The following LINGO2 variants were observed in gnomAD, a reference collection of about 807,000 sequenced individuals.
LINGO2 encodes leucine rich repeat and Ig domain containing 2, also known as leucine-rich repeat and immunoglobulin-like domain-containing nogo receptor-interacting protein 2.
In LINGO2, 14 loss-of-function variants were observed where a neutral mutation model predicts 30.6. The ratio of observed to expected loss-of-function variants is 0.46; its 90% CI spans 0.30 to 0.72. The LOEUF is 0.72. Ranked by LOEUF, LINGO2 falls within the 30% of genes least tolerant of loss-of-function variation. The pLI is 0.07. For missense variants in LINGO2, 729 were observed against 751.7 expected (o/e 0.97, Z 0.35); for synonymous variants, 317 against 288.5 (o/e 1.10, Z -1.00).
chr9:27,997,078 A>C (rs971731763), intron 5 of LINGO2, among the ~76,000 whole-genome samples: 3 of 152,232 alleles, frequency 2.0e-5, no homozygotes, highest in Non-Finnish European at 2.9e-5. Context: ...ACACATATTC[A>C]GCAAGATTCC....
At chr9:28,070,208 A>G (rs1825433805) in intron 4 of LINGO2, among the ~76,000 whole-genome samples, 1 of 152,150 alleles carries the variant, frequency 6.6e-6, no homozygotes, top group Admixed American at 6.5e-5. Context: ...GCATATACAC[A>G]TTCCTCACTT....
chr9:28,351,576 G>A (rs1242347883), intron 3 of LINGO2, among the ~76,000 whole-genome samples: 2 of 140,220 alleles, frequency 1.4e-5, no homozygotes, highest in Admixed American at 1.4e-4. Flanking sequence ...GAGGTACAAG[G>A]AGGAACTGGT....
chr9:28,539,536 T>C (rs1821585781), intron 1 of LINGO2, among the ~76,000 whole-genome samples: 2 of 152,026 alleles, frequency 1.3e-5, no homozygotes, highest in African/African-American at 2.4e-5. Context: ...TTGTGAGAAA[T>C]TGTGAACCTT....
At chr9:28,556,966 C>T (rs1008989910) in intron 1 of LINGO2, among the ~76,000 whole-genome samples, 7 of 152,056 alleles carry the variant, frequency 4.6e-5, no homozygotes, top group Non-Finnish European at 5.9e-5. Flanking sequence ...GAAACTAGAT[C>T]CCTTCCTTAC....
chr9:28,556,774 G>A (rs1341422773), intron 1 of LINGO2, among the ~76,000 whole-genome samples: 1 of 151,932 alleles, frequency 6.6e-6, no homozygotes, highest in Non-Finnish European at 1.5e-5. Flanking sequence ...AACCAAAACA[G>A]CATGGTACTG....
intron 4 of LINGO2, among the ~76,000 whole-genome samples, chr9:28,256,708 G>T (rs888984345): frequency 1.4e-4 from 21 of 151,894 alleles, no homozygotes; most frequent in Non-Finnish European, 2.5e-4. Context: ...TTGAAAAATA[G>T]AAATGCTTCA....
At chr9:28,074,678 T>C (rs1331959080) in intron 4 of LINGO2, among the ~76,000 whole-genome samples, 15 of 152,326 alleles carry the variant, frequency 9.8e-5, no homozygotes, top group Non-Finnish European at 7.4e-5. Flanking sequence ...ATTAGTGCCT[T>C]ATCCCATGCC....
chr9:28,383,645 G>A (rs1343077699), intron 2 of LINGO2, among the ~76,000 whole-genome samples: 3 of 152,014 alleles, frequency 2.0e-5, no homozygotes, highest in Non-Finnish European at 4.4e-5. Context: ...TTCCAAGCCC[G>A]AACCACTAAA....
chr9:28,640,924 T>A (rs1200752743), intron 1 of LINGO2, among the ~76,000 whole-genome samples: 1 of 152,142 alleles, frequency 6.6e-6, no homozygotes, highest in African/African-American at 2.4e-5. Flanking sequence ...ATTTTCAGTT[T>A]TTCTGCTCTG....
the LINGO2 span, among the ~76,000 whole-genome samples, chr9:28,951,725 T>C: frequency 6.6e-6 from 1 of 152,070 alleles, no homozygotes; most frequent in Non-Finnish European, 1.5e-5. Flanking sequence ...TGCCCCAGCT[T>C]TTCATTTCGT....
intron 4 of LINGO2, among the ~76,000 whole-genome samples, chr9:28,292,564 G>C (rs1823769515): frequency 6.6e-6 from 1 of 152,010 alleles, no homozygotes; most frequent in African/African-American, 2.4e-5. Context: ...CTGGGTTCAA[G>C]CGATTCTCCT....
At chr9:28,422,867 T>A (rs1020986300) in intron 2 of LINGO2, among the ~76,000 whole-genome samples, 2 of 152,008 alleles carry the variant, frequency 1.3e-5, no homozygotes, top group Non-Finnish European at 1.5e-5. Context: ...AATTCTGACA[T>A]GTGCTATAAC....
intron 1 of LINGO2, among the ~76,000 whole-genome samples, chr9:28,565,344 C>T (rs1458831551): frequency 1.3e-5 from 2 of 151,282 alleles, no homozygotes; most frequent in Non-Finnish European, 1.5e-5. Flanking sequence ...CCTGCCACCA[C>T]GCCCGGGTAA....
the LINGO2 span, among the ~76,000 whole-genome samples, chr9:29,203,732 T>C: frequency 6.6e-6 from 1 of 152,174 alleles, no homozygotes; most frequent in African/African-American, 2.4e-5. Context: ...GGCCACTTAA[T>C]CCTCTTGCCT....
the LINGO2 span, among the ~76,000 whole-genome samples, chr9:29,070,678 T>C: frequency 3.3e-5 from 5 of 151,888 alleles, no homozygotes; most frequent in African/African-American, 9.7e-5. Flanking sequence ...GATCTTGTTG[T>C]TAATGTGAGT....
At chr9:29,209,801 G>C in the LINGO2 span, among the ~76,000 whole-genome samples, 1 of 152,130 alleles carries the variant, frequency 6.6e-6, no homozygotes, top group African/African-American at 2.4e-5. Context: ...GTACTCAGAG[G>C]TTGGTTGAGG....
At chr9:28,671,601 C>T (rs1011439084), upstream of LINGO2, among the ~76,000 whole-genome samples, 20 of 149,590 alleles carry the variant, frequency 1.3e-4, no homozygotes, top group African/African-American at 3.7e-4. Flanking sequence ...TGAGAATACA[C>T]GGATACAAAG....
chr9:28,538,671 T>C (rs1821539809), intron 1 of LINGO2, among the ~76,000 whole-genome samples: 1 of 152,174 alleles, frequency 6.6e-6, no homozygotes, highest in Non-Finnish European at 1.5e-5. Context: ...GCCTTCTTGC[T>C]GTGGCCTCAC....
intron 3 of LINGO2, among the ~76,000 whole-genome samples, chr9:28,367,922 T>G (rs1232924800): frequency 3.3e-5 from 5 of 152,178 alleles, no homozygotes; most frequent in African/African-American, 1.2e-4. Context: ...TTTTGTCATT[T>G]TTTTCAACTT....
Sources: allele counts gnomAD v4.1 joint callset (sites outside exome capture counted in the v4.1 genomes callset), GRCh38; gene constraint gnomAD v4.1.1; transcripts MANE v1.5; gene names NCBI Gene and HGNC (gene_info 2026-07-23, HGNC 2026-07-21).